The following SCAMP1 variants were observed in gnomAD, a reference collection of about 807,000 sequenced individuals.
The protein encoded by SCAMP1 is secretory carrier-associated membrane protein 1.
In SCAMP1, 15 loss-of-function variants were observed where a neutral mutation model predicts 41.8. The observed-to-expected ratio is 0.36, with a 90% confidence interval of 0.24 to 0.55. The LOEUF (loss-of-function observed/expected upper bound fraction) is 0.55, where lower values mean the gene tolerates loss of function less well. Among genes scored for constraint, SCAMP1 ranks in the 20% least tolerant of loss-of-function variants. SCAMP1 has a pLI of 0.86. For synonymous variants in SCAMP1, 135 were observed against 136.8 expected (o/e 0.99, Z 0.09); for missense variants, 341 against 412.6 (o/e 0.83, Z 1.50).
chr5:78,469,704 A>G (rs890983218), intron 8 of SCAMP1, among the ~76,000 whole-genome samples: 2 of 151,636 alleles, frequency 1.3e-5, no homozygotes, highest in African/African-American at 4.8e-5. Flanking sequence ...CTTTATTGAA[A>G]TATAATTCAC....
intron 8 of SCAMP1, among the ~76,000 whole-genome samples, chr5:78,467,918 T>A (rs1391397440): frequency 6.6e-6 from 1 of 152,222 alleles, no homozygotes; most frequent in Non-Finnish European, 1.5e-5. Flanking sequence ...TTTGCAGGTA[T>A]GTAGCAGTAT....
At chr5:78,465,818 T>C (rs762332255) in intron 8 of SCAMP1, among the ~76,000 whole-genome samples, 34 of 152,164 alleles carry the variant, frequency 2.2e-4, no homozygotes, top group Non-Finnish European at 4.3e-4. Context: ...AGGCAGAAGT[T>C]GAAACTCTGG....
At chr5:78,465,755 G>A (rs1753729088) in intron 8 of SCAMP1, among the ~76,000 whole-genome samples, 1 of 152,194 alleles carries the variant, frequency 6.6e-6, no homozygotes, top group Non-Finnish European at 1.5e-5. Context: ...GTTAATTGCG[G>A]GGAATTGGCT....
chr5:78,420,825 T>C (rs376242279), intron 5 of SCAMP1, among the ~76,000 whole-genome samples: 138 of 152,334 alleles, frequency 9.1e-4, no homozygotes, highest in African/African-American at 3.1e-3. Flanking sequence ...TATTAACTTA[T>C]TTGATTTGTA....
intron 4 of SCAMP1, 21 bp downstream of exon 4, chr5:78,416,670 A>G (rs1752217507): frequency 6.6e-7 from 1 of 1,523,530 alleles, no homozygotes; most frequent in East Asian, 2.4e-5. Context: ...AAGAAATTTG[A>G]AATAAAAATA....
chr5:78,368,207 C>T (rs929949359), intron 1 of SCAMP1, among the ~76,000 whole-genome samples: 8 of 152,098 alleles, frequency 5.3e-5, no homozygotes, highest in African/African-American at 1.9e-4. Context: ...TTGCCATGGT[C>T]GGTATTCTTC....
At chr5:78,415,213 A>C (rs370919806) in intron 2 of SCAMP1, among the ~76,000 whole-genome samples, 66 of 152,264 alleles carry the variant, frequency 4.3e-4, no homozygotes, top group African/African-American at 1.6e-3. Flanking sequence ...TTGGCCTCCC[A>C]AAGTGCTGGG....
chr5:78,395,244 A>G (rs1482633956), intron 2 of SCAMP1, among the ~76,000 whole-genome samples: 1 of 152,146 alleles, frequency 6.6e-6, no homozygotes, highest in African/African-American at 2.4e-5. Context: ...TATTTTCTCC[A>G]GACTGTCTTT....
chr5:78,469,128 C>G (rs975683481), intron 8 of SCAMP1, among the ~76,000 whole-genome samples: 3 of 152,144 alleles, frequency 2.0e-5, no homozygotes, highest in African/African-American at 4.8e-5. Flanking sequence ...ATCATCTATA[C>G]TTTCTTGAAA....
chr5:78,443,653 CTTTTTTTTTTT>C (rs71613955), intron 6 of SCAMP1, among the ~76,000 whole-genome samples: 8 of 71,966 alleles, frequency 1.1e-4, no homozygotes, highest in South Asian at 6.1e-4. Flanking sequence ...AGTGGTTTTG[CTTTTTTTTTTT>C]TTTTTTTTTT....
rs893362975 is a variant in SCAMP1, at chr5:78,360,688, G to C, written c.17G>C (p.Ser6Thr). The C allele has an allele frequency of 6.2e-7, 1 of 1,610,772 alleles. No individual in the cohort carries two copies. Among genetic ancestry groups the C allele is most frequent in the African/African-American group, 1.3e-5 (1 of 74,912 alleles). ...GCCAGAGAGATGTCGGATTTCGACA[G>C]TAACCCGTTTGCCGACCCGGATCTC... Reference protein sequence around the residue: MSDFDSNPFADPDLNN... With the variant: MSDFDTNPFADPDLNN... Residue 6 changes from serine (S) to threonine (T), a missense_variant, in exon 1 of 9, where the codon AGT becomes ACT. Coordinates refer to ENST00000621999, the MANE Select transcript of SCAMP1 (RefSeq NM_004866.6).
At chr5:78,407,686 T>G (rs1013428110) in intron 2 of SCAMP1, among the ~76,000 whole-genome samples, 4 of 152,060 alleles carry the variant, frequency 2.6e-5, no homozygotes, top group Non-Finnish European at 5.9e-5. Flanking sequence ...TCAATCATCA[T>G]GTCTTATAAT....
At position 78,459,331 on chromosome 5, in the gene SCAMP1, C is replaced by CAGA; in HGVS notation, c.823_824insAAG (p.Ser274_Ala275insGlu). 1 of 1,593,394 alleles carries CAGA rather than the reference C, an allele frequency of 6.3e-7. No individual in the cohort carries two copies. The highest frequency in any genetic ancestry group is 8.6e-7 in the Non-Finnish European group (1 of 1,162,210). On this transcript the variant is annotated inframe_insertion, in exon 8 of 9. Coordinates refer to ENST00000621999, the MANE Select transcript of SCAMP1 (RefSeq NM_004866.6). ...ATCATAGCAGCACTTTTCACAGCAT[C>CAGA]AGCAGTCATCTCACTAGTTATGTTC...
chr5:78,473,977 A>T (rs937089938), intron 8 of SCAMP1, among the ~76,000 whole-genome samples: 1 of 151,974 alleles, frequency 6.6e-6, no homozygotes, highest in Non-Finnish European at 1.5e-5. Context: ...TCAGTATCTC[A>T]GGGGGGCCAA....
intron 2 of SCAMP1, among the ~76,000 whole-genome samples, chr5:78,413,894 CTTCT>C (rs1752143744): frequency 6.6e-6 from 1 of 151,990 alleles, no homozygotes; most frequent in Non-Finnish European, 1.5e-5. Context: ...CCTTGTGCAG[CTTCT>C]TTCTTTTTTA....
intron 8 of SCAMP1, among the ~76,000 whole-genome samples, chr5:78,460,526 G>T (rs1753557612): frequency 6.6e-6 from 1 of 151,798 alleles, no homozygotes; most frequent in Non-Finnish European, 1.5e-5. Flanking sequence ...TCTTCCATTT[G>T]TTGGCTGCTT....
intron 2 of SCAMP1, among the ~76,000 whole-genome samples, chr5:78,413,584 A>T (rs573498951): frequency 8.6e-5 from 13 of 152,020 alleles, no homozygotes; most frequent in Admixed American, 8.5e-4. Context: ...TGCCTGTCTA[A>T]TTTTTTGTAT....
chr5:78,439,665 G>T (rs1297958939), intron 6 of SCAMP1, among the ~76,000 whole-genome samples: 1 of 152,004 alleles, frequency 6.6e-6, no homozygotes, highest in African/African-American at 2.4e-5. Flanking sequence ...CTTCATTTCA[G>T]CCTTGGTGAA....
intron 2 of SCAMP1, among the ~76,000 whole-genome samples, chr5:78,404,748 C>T (rs905062321): frequency 2.0e-5 from 3 of 152,132 alleles, no homozygotes; most frequent in Non-Finnish European, 2.9e-5. Flanking sequence ...ATAGTTTCTC[C>T]TGAGGGGAGG....
Sources: gnomAD v4.1 joint callset for allele counts (sites outside exome capture counted in the v4.1 genomes callset) on GRCh38, gnomAD v4.1.1 for gene constraint, MANE v1.5 for transcripts, NCBI Gene and HGNC (gene_info 2026-07-23, HGNC 2026-07-21) for gene names.